Variants in RSU1 observed in about 807,000 individuals in gnomAD.
The protein encoded by RSU1 is Ras suppressor protein 1.
RSU1 carries 26 observed loss-of-function variants against 31.1 expected under a neutral mutation model. That is an observed-to-expected ratio of 0.84 (90% confidence interval 0.61 to 1.16). RSU1 has a LOEUF of 1.16. Ranked by LOEUF, RSU1 falls within the 50% of genes most tolerant of loss-of-function variation. The pLI is 0.00. For synonymous variants in RSU1, 164 were observed against 136.3 expected (o/e 1.20, Z -1.41); for missense variants, 320 against 339.1 (o/e 0.94, Z 0.44).
At chr10:16,668,012 A>G (rs76240329) in intron 8 of RSU1, among the ~76,000 whole-genome samples, 5,282 of 152,342 alleles carry the variant, frequency 0.035, 124 homozygotes, top group Non-Finnish European at 0.054. Flanking sequence ...AGGTATTCTG[A>G]TAATAGAATA....
intron 8 of RSU1, among the ~76,000 whole-genome samples, chr10:16,608,673 C>T (rs1833843916): frequency 6.6e-6 from 1 of 152,090 alleles, no homozygotes. Flanking sequence ...GAGACGGCAT[C>T]TCCGAGAGCT....
chr10:16,712,946 T>TC (rs752725375), intron 7 of RSU1, among the ~76,000 whole-genome samples: 46 of 152,324 alleles, frequency 3.0e-4, no homozygotes, highest in Admixed American at 5.2e-4. Context: ...CCTTCATTTC[T>TC]GAAGGATAAC....
At chr10:16,810,966 G>A (rs1465325833) in intron 2 of RSU1, among the ~76,000 whole-genome samples, 2 of 151,596 alleles carry the variant, frequency 1.3e-5, no homozygotes, top group East Asian at 3.9e-4. Context: ...AGGCTACAGT[G>A]AGGCAAGATC....
At chr10:16,815,971 G>A (rs1838520333) in intron 2 of RSU1, among the ~76,000 whole-genome samples, 1 of 152,330 alleles carries the variant, frequency 6.6e-6, no homozygotes, top group South Asian at 2.1e-4. Context: ...GAAGGGTAAG[G>A]TTGTGTTCAG....
intron 2 of RSU1, among the ~76,000 whole-genome samples, chr10:16,795,737 T>C (rs576033361): frequency 1.3e-5 from 2 of 152,138 alleles, no homozygotes; most frequent in African/African-American, 4.8e-5. Context: ...GGAGTTTAAG[T>C]ACACAGGTTG....
intron 8 of RSU1, among the ~76,000 whole-genome samples, chr10:16,602,922 C>T (rs548958414): frequency 2.1e-4 from 32 of 152,250 alleles, no homozygotes; most frequent in South Asian, 1.2e-3. Context: ...TTCTCCTAGC[C>T]GGCGGCTATC....
chr10:16,787,842 A>G lies in RSU1; in HGVS notation c.110-5758T>C, dbSNP rs77843709. ...TTGGTATGTCTTTATTAGCAGTGTG[A>G]AAACAAACTAATACACCCAGTTAAT... On this transcript the variant is annotated intron_variant, in intron 2 of 8. Transcript: ENST00000345264. Among the ~76,000 whole-genome samples the G allele has an allele frequency of 3.5e-3, 527 of 152,376 alleles. 21 individuals are homozygous for G. The East Asian group carries it at 0.084, about 24-fold the overall frequency.
rs537217459 is a variant in RSU1, at chr10:16,692,550, C to T, written c.731+2473G>A. Among the ~76,000 whole-genome samples, 27 of 152,170 alleles carry T rather than the reference C, an allele frequency of 1.8e-4. No homozygotes were observed. The South Asian group carries it at 5.4e-3, about 30-fold the overall frequency. The stretch of plus-strand genomic sequence containing the variant: ...GAATGACTTTTTTCAAGATACCATA[C>T]AAACCAAGCTCTAAATAGCTTCCTG... On this transcript the variant is annotated intron_variant, in intron 8 of 8. Coordinates refer to ENST00000345264, the MANE Select transcript of RSU1 (RefSeq NM_012425.4).
At chr10:16,812,398 C>T (rs552152090) in intron 2 of RSU1, among the ~76,000 whole-genome samples, 228 of 152,222 alleles carry the variant, frequency 1.5e-3, no homozygotes, top group Middle Eastern at 3.4e-3. Context: ...GCAGAGATCA[C>T]GCCACTGCAC....
chr10:16,661,467 C>T (rs1477818180), intron 8 of RSU1, among the ~76,000 whole-genome samples: 1 of 152,152 alleles, frequency 6.6e-6, no homozygotes, highest in South Asian at 2.1e-4. Flanking sequence ...AAATTATCTA[C>T]ATTTTTTAAA....
chr10:16,645,374 A>G (rs1834518018), intron 8 of RSU1, among the ~76,000 whole-genome samples: 1 of 152,232 alleles, frequency 6.6e-6, no homozygotes, highest in East Asian at 1.9e-4. Flanking sequence ...AGATATCAGA[A>G]AAAGAATGAA....
intron 8 of RSU1, among the ~76,000 whole-genome samples, chr10:16,606,692 T>A (rs1191854219): frequency 6.6e-6 from 1 of 152,200 alleles, no homozygotes; most frequent in Non-Finnish European, 1.5e-5. Context: ...GGAAACCATG[T>A]GGAGCACACA....
chr10:16,661,152 A>G (rs79950641), intron 8 of RSU1, among the ~76,000 whole-genome samples: 5,099 of 152,024 alleles, frequency 0.034, 198 homozygotes, highest in East Asian at 0.14. Context: ...CTGCACCCCA[A>G]TGTTATAAGG....
chr10:16,632,460 T>C (rs998574078), intron 8 of RSU1, among the ~76,000 whole-genome samples: 1 of 152,116 alleles, frequency 6.6e-6, no homozygotes, highest in African/African-American at 2.4e-5. Context: ...GAGAGACCTT[T>C]TAAAAAAAAG....
At chr10:16,744,878 C>G (rs961522213) in intron 7 of RSU1, among the ~76,000 whole-genome samples, 11 of 152,172 alleles carry the variant, frequency 7.2e-5, no homozygotes, top group Non-Finnish European at 1.2e-4. Context: ...CTCCCTCTTG[C>G]CCCTTCTTTT....
intron 7 of RSU1, among the ~76,000 whole-genome samples, chr10:16,722,849 CACACATAT>C (rs1447360223): frequency 1.1e-5 from 1 of 93,782 alleles, no homozygotes; most frequent in African/African-American, 3.4e-5. Context: ...TGTATATATA[CACACATAT>C]ATACATATAT....
At chr10:16,729,582 G>A (rs891148340) in intron 7 of RSU1, among the ~76,000 whole-genome samples, 9 of 152,164 alleles carry the variant, frequency 5.9e-5, no homozygotes, top group East Asian at 1.9e-4. Context: ...GCTACTCCTT[G>A]TAACCACAAA....
intron 7 of RSU1, among the ~76,000 whole-genome samples, chr10:16,731,895 T>C (rs1348853794): frequency 6.6e-6 from 1 of 152,172 alleles, no homozygotes; most frequent in South Asian, 2.1e-4. Context: ...TAAGCCGATA[T>C]TGTTGGGACA....
chr10:16,692,109 C>G (rs528473806), intron 8 of RSU1, among the ~76,000 whole-genome samples: 1 of 152,086 alleles, frequency 6.6e-6, no homozygotes, highest in Non-Finnish European at 1.5e-5. Flanking sequence ...ATCCAAGGCT[C>G]CATGAGGAAA....
Sources: gnomAD v4.1 joint callset for allele counts (sites outside exome capture counted in the v4.1 genomes callset) on GRCh38, gnomAD v4.1.1 for gene constraint, MANE v1.5 for transcripts, NCBI Gene and HGNC (gene_info 2026-07-23, HGNC 2026-07-21) for gene names.